CLCN3: variants seen among roughly 807,000 people sequenced by gnomAD.
CLCN3 encodes the protein H(+)/Cl(-) exchange transporter 3.
CLCN3 carries 16 observed loss-of-function variants against 83.4 expected under a neutral mutation model. The observed-to-expected ratio is 0.19, with a 90% CI of 0.13 to 0.29. The LOEUF is 0.29. Ranked by LOEUF, CLCN3 falls within the 10% of genes least tolerant of loss-of-function variation. The probability of loss-of-function intolerance (pLI) is 1.00; values close to 1 mark genes in which losing one functional copy is unlikely to be tolerated. For synonymous variants in CLCN3, 322 were observed against 346.2 expected (o/e 0.93, Z 0.78); for missense variants, 544 against 1,006.0 (o/e 0.54, Z 6.21).
intron 12 of CLCN3, 75 bp downstream of exon 12, chr4:169,713,370 TAG>T: frequency 8.5e-7 from 1 of 1,181,842 alleles, no homozygotes. Flanking sequence ...ATATAGTTAT[TAG>T]GGGAGCATGT....
chr4:169,707,110 C>G lies in CLCN3; in HGVS notation c.1993C>G (p.Pro665Ala), dbSNP rs749575147. The G allele has an allele frequency of 1.4e-5, 22 of 1,613,948 alleles. No individual in the cohort carries two copies. The Admixed American group carries it at 3.3e-4, about 24-fold the overall frequency. ...CGTTATGAGACCTCGAAGGAATGATCCTCCCTTAGCTGTCCTGACACAGGA... is the reference window on the plus strand; with the variant it reads ...CGTTATGAGACCTCGAAGGAATGATGCTCCCTTAGCTGTCCTGACACAGGA... ...ADVMRPRRND[P>A]PLAVLTQDNM... The change falls in exon 11 of 13, where the codon CCT becomes GCT. Residue 665 changes from proline to alanine, a missense_variant. Coordinates refer to ENST00000513761, the MANE Select transcript of CLCN3 (RefSeq NM_001829.4).
rs189239493 is a variant in CLCN3, at chr4:169,640,999, T to C, written c.160+4911T>C. ...CAACATCAAGGGTCTCCCAGGTTTC[T>C]GATTATGTATAGACTGAGAGGGAAA... On this transcript the variant is annotated intron_variant, in intron 2 of 12. Coordinates refer to ENST00000513761, the MANE Select transcript of CLCN3 (RefSeq NM_001829.4). 3.6e-4 allele frequency among the ~76,000 whole-genome samples: 55 copies of C among 152,346 alleles called. 1 individual carries two copies. In the East Asian group the frequency reaches 0.01, roughly 29 times the overall value.
At chr4:169,641,624 G>A (rs1414855373) in intron 2 of CLCN3, among the ~76,000 whole-genome samples, 1 of 152,096 alleles carries the variant, frequency 6.6e-6, no homozygotes, top group Non-Finnish European at 1.5e-5. Context: ...TCTTCTGGGT[G>A]GCATATTCAT....
chr4:169,620,793 G>T lies in CLCN3; in HGVS notation c.-287G>T. The T allele has an allele frequency of 2.5e-6, 1 of 398,646 alleles. No homozygotes were observed. The allele number at this position is 398,646 out of a possible 1,614,324, so 24.7% of individuals were successfully genotyped here. On this transcript the variant is annotated 5_prime_UTR_variant, in exon 1 of 13. In the 5' UTR this introduces an upstream ATG that the reference lacks. Coordinates refer to ENST00000513761, the MANE Select transcript of CLCN3 (RefSeq NM_001829.4). Reference sequence around the variant, plus strand: ...TTATTTTTAATTTTGGGCAGAAGCAGGTTGACTCTAGGGATCTCCAGAGCG... The same window carrying T: ...TTATTTTTAATTTTGGGCAGAAGCATGTTGACTCTAGGGATCTCCAGAGCG...
In CLCN3 at chr4:169,687,661, A is replaced by G. The variant is rs1732214503; in HGVS notation, c.322A>G (p.Asn108Asp). 1 of 1,604,214 alleles carries G rather than the reference A, an allele frequency of 6.2e-7. No individual in the cohort carries two copies. The highest frequency in any genetic ancestry group is 8.5e-7 in the Non-Finnish European group (1 of 1,173,858). Residue 108 changes from asparagine (N) to aspartate (D), a missense_variant, in exon 4 of 13, where the codon AAC becomes GAC. Physicochemically the swap from Asn to Asp is conservative, Grantham distance 23. Transcript: ENST00000513761. The part of the protein sequence containing the change: ...CKDRERHRRI[N>D]SKKKESAWEM... ...GCATAAACATTTCTAATTTCAGATC[A>G]ACAGCAAAAAGAAAGAATCAGCATG...
At chr4:169,717,525 C>A (rs1039645047) in intron 12 of CLCN3, among the ~76,000 whole-genome samples, 2 of 152,010 alleles carry the variant, frequency 1.3e-5, no homozygotes, top group Non-Finnish European at 2.9e-5. Flanking sequence ...CATCTTCATT[C>A]CAAACTTTCA....
chr4:169,708,713 GT>G (rs1194491592), intron 11 of CLCN3, among the ~76,000 whole-genome samples: 1 of 152,102 alleles, frequency 6.6e-6, no homozygotes, highest in Non-Finnish European at 1.5e-5. Context: ...GTGTGGATGT[GT>G]TTTTTAAAGT....
intron 11 of CLCN3, among the ~76,000 whole-genome samples, chr4:169,711,613 G>A (rs548844674): frequency 1.9e-4 from 29 of 152,278 alleles, no homozygotes; most frequent in Admixed American, 1.1e-3. Context: ...GCCTCCCAAA[G>A]TGCTGGGATT....
intron 2 of CLCN3, among the ~76,000 whole-genome samples, chr4:169,673,748 AC>A (rs1731568246): frequency 6.6e-6 from 1 of 152,106 alleles, no homozygotes; most frequent in Non-Finnish European, 1.5e-5. Flanking sequence ...TATACCTGTC[AC>A]CCCAATTCCT....
intron 2 of CLCN3, chr4:169,662,882 C>T (rs1731103878): frequency 6.6e-6 from 1 of 151,998 alleles, no homozygotes; most frequent in Admixed American, 6.6e-5. Flanking sequence ...AACAATCAAG[C>T]TCTCTCAAAA....
intron 3 of CLCN3, among the ~76,000 whole-genome samples, chr4:169,685,326 C>T (rs960662621): frequency 1.3e-5 from 2 of 152,072 alleles, no homozygotes; most frequent in African/African-American, 4.8e-5. Flanking sequence ...GTTAAATGAA[C>T]AAAACAGGCA....
At chr4:169,694,945 C>T (rs1732509540) in intron 7 of CLCN3, among the ~76,000 whole-genome samples, 1 of 152,108 alleles carries the variant, frequency 6.6e-6, no homozygotes, top group Non-Finnish European at 1.5e-5. Context: ...GGGAAGTAGA[C>T]CATTACCAAC....
chr4:169,660,112 C>G (rs903255593), intron 2 of CLCN3: 4 of 1,073,050 alleles, frequency 3.7e-6, no homozygotes, highest in Non-Finnish European at 4.5e-6. Context: ...GTAGCAGGAC[C>G]TGATTAAGAA....
chr4:169,631,855 C>T (rs1773379704), intron 1 of CLCN3, among the ~76,000 whole-genome samples: 1 of 152,078 alleles, frequency 6.6e-6, no homozygotes, highest in African/African-American at 2.4e-5. Flanking sequence ...AAACAGCCTC[C>T]CAAGATTAAA....
At chr4:169,630,388 G>T (rs530168630) in intron 1 of CLCN3, among the ~76,000 whole-genome samples, 1 of 152,124 alleles carries the variant, frequency 6.6e-6, no homozygotes, top group South Asian at 2.1e-4. Context: ...GCTGTATTTG[G>T]TTTTCTGTTA....
chr4:169,706,508 T>A lies in CLCN3; in HGVS notation c.1751-360T>A, dbSNP rs566939386. On this transcript the variant is annotated intron_variant, in intron 10 of 12. Coordinates refer to ENST00000513761, the MANE Select transcript of CLCN3 (RefSeq NM_001829.4). ...CATGATGTGCTTTACTAAATTCCTTTATAATTAGAATAAGCTTTTATAAGG... is the reference window on the plus strand; with the variant it reads ...CATGATGTGCTTTACTAAATTCCTTAATAATTAGAATAAGCTTTTATAAGG... Among the ~76,000 whole-genome samples the A allele has an allele frequency of 4.6e-5, 7 of 152,360 alleles. No homozygotes were observed. In the South Asian group the frequency reaches 1.4e-3, roughly 32 times the overall value.
intron 2 of CLCN3, among the ~76,000 whole-genome samples, chr4:169,644,680 TA>T (rs2150208446): frequency 6.6e-6 from 1 of 152,142 alleles, no homozygotes; most frequent in East Asian, 1.9e-4. Context: ...ATGGTCTGCT[TA>T]ATAATGGCCA....
intron 2 of CLCN3, among the ~76,000 whole-genome samples, chr4:169,669,880 T>C (rs1404070117): frequency 1.3e-5 from 2 of 152,208 alleles, no homozygotes; most frequent in African/African-American, 2.4e-5. Context: ...TTATTAGTCT[T>C]TTTGTATGTT....
intron 10 of CLCN3, among the ~76,000 whole-genome samples, chr4:169,704,761 G>A (rs539382337): frequency 6.6e-6 from 1 of 152,062 alleles, no homozygotes; most frequent in Non-Finnish European, 1.5e-5. Flanking sequence ...GTTAGGGCAG[G>A]AAAAAATGGT....
Sources: allele counts gnomAD v4.1 joint callset (sites outside exome capture counted in the v4.1 genomes callset), GRCh38; gene constraint gnomAD v4.1.1; transcripts MANE v1.5; gene names NCBI Gene and HGNC (gene_info 2026-07-23, HGNC 2026-07-21).